NOX4: variants seen among roughly 807,000 people sequenced by gnomAD.
The protein encoded by NOX4 is NADPH oxidase 4, also known as kidney oxidase-1.
Under a neutral mutation model 87.6 loss-of-function variants are expected in NOX4, and 69 were observed. That is an observed-to-expected ratio of 0.79 (90% CI 0.65 to 0.96). NOX4 has a LOEUF of 0.96. Among genes scored for constraint, NOX4 ranks in the 40% least tolerant of loss-of-function variants. The pLI is 0.00. For synonymous variants in NOX4, 275 were observed against 238.2 expected (o/e 1.15, Z -1.42); for missense variants, 680 against 681.5 (o/e 1.00, Z 0.02).
intron 2 of NOX4, among the ~76,000 whole-genome samples, chr11:89,464,684 GT>G (rs1945602853): frequency 6.6e-6 from 1 of 152,008 alleles, no homozygotes; most frequent in African/African-American, 2.4e-5. Context: ...CAGGTTAGTT[GT>G]CACTAGATGG....
chr11:89,526,711 C>T, the NOX4 span, among the ~76,000 whole-genome samples: 1 of 152,142 alleles, frequency 6.6e-6, no homozygotes, highest in South Asian at 2.1e-4. Flanking sequence ...GCCTTGCTTC[C>T]CATTTGCCTT....
At chr11:89,524,169 C>T in the NOX4 span, among the ~76,000 whole-genome samples, 1 of 152,084 alleles carries the variant, frequency 6.6e-6, no homozygotes, top group South Asian at 2.1e-4. Context: ...CAAGAAAGTC[C>T]ATTATAAAAC....
the NOX4 span, among the ~76,000 whole-genome samples, chr11:89,563,203 A>G: frequency 2.0e-5 from 3 of 152,354 alleles, no homozygotes; most frequent in African/African-American, 7.2e-5. Context: ...TTCAGAAAAG[A>G]GGCCCTATGT....
chr11:89,422,007 T>C (rs765725294), intron 7 of NOX4, 25 bp from the exon 8 acceptor site: 1 of 1,187,770 alleles, frequency 8.4e-7, no homozygotes, highest in Non-Finnish European at 1.2e-6. Flanking sequence ...ACACTCATTT[T>C]AATGCTACTT....
the NOX4 span, among the ~76,000 whole-genome samples, chr11:89,533,032 A>T: frequency 5.9e-5 from 9 of 152,164 alleles, no homozygotes; most frequent in African/African-American, 2.2e-4. Flanking sequence ...ACCGAGTCTC[A>T]GGTACTTCTT....
chr11:89,487,782 T>A (rs1946689937), intron 2 of NOX4, among the ~76,000 whole-genome samples: 1 of 152,134 alleles, frequency 6.6e-6, no homozygotes, highest in South Asian at 2.1e-4. Context: ...AATATTTATT[T>A]AAAAATTAAT....
At chr11:89,586,396 C>T in the NOX4 span, among the ~76,000 whole-genome samples, 1 of 152,152 alleles carries the variant, frequency 6.6e-6, no homozygotes, top group Non-Finnish European at 1.5e-5. Flanking sequence ...GTACCAATGT[C>T]TTCAGATGAG....
At chr11:89,506,406 A>T in the NOX4 span, among the ~76,000 whole-genome samples, 3 of 151,776 alleles carry the variant, frequency 2.0e-5, no homozygotes, top group African/African-American at 7.2e-5. Flanking sequence ...ATTTTCATCC[A>T]TATCTTACAC....
chr11:89,543,952 G>C, the NOX4 span, among the ~76,000 whole-genome samples: 1 of 151,976 alleles, frequency 6.6e-6, no homozygotes, highest in Non-Finnish European at 1.5e-5. Flanking sequence ...AGTAAAAGTG[G>C]GGAAGAAAAG....
At chr11:89,483,082 T>C (rs974965309) in intron 2 of NOX4, among the ~76,000 whole-genome samples, 3 of 152,120 alleles carry the variant, frequency 2.0e-5, no homozygotes, top group East Asian at 1.9e-4. Context: ...TAATCTAAGC[T>C]TCTTAATTCT....
chr11:89,508,497 T>C, the NOX4 span, among the ~76,000 whole-genome samples: 1 of 152,188 alleles, frequency 6.6e-6, no homozygotes, highest in East Asian at 1.9e-4. Flanking sequence ...AAAAACTATT[T>C]ATGGTGTTTT....
At chr11:89,501,826 G>A (rs961204764), upstream of NOX4, among the ~76,000 whole-genome samples, 3 of 152,050 alleles carry the variant, frequency 2.0e-5, no homozygotes, top group Non-Finnish European at 4.4e-5. Flanking sequence ...ACATCAGCAG[G>A]ATGGAGAGTA....
the NOX4 span, among the ~76,000 whole-genome samples, chr11:89,541,532 AT>A: frequency 1.4e-4 from 21 of 151,436 alleles, no homozygotes; most frequent in African/African-American, 3.9e-4. Context: ...CCATATACTG[AT>A]TTTTTTTTCA....
upstream of NOX4, among the ~76,000 whole-genome samples, chr11:89,492,571 G>A (rs1169606454): frequency 6.6e-6 from 1 of 152,184 alleles, no homozygotes; most frequent in Non-Finnish European, 1.5e-5. Flanking sequence ...TCAAGTCCCT[G>A]TTAGACTTCA....
chr11:89,410,522 A>T (rs1252731614), intron 8 of NOX4, among the ~76,000 whole-genome samples: 1 of 152,242 alleles, frequency 6.6e-6, no homozygotes, highest in East Asian at 1.9e-4. Flanking sequence ...TTTACCTAGA[A>T]TATGGCACAA....
At chr11:89,432,303 A>G (rs1943841099) in intron 7 of NOX4, among the ~76,000 whole-genome samples, 1 of 152,152 alleles carries the variant, frequency 6.6e-6, no homozygotes, top group Middle Eastern at 3.2e-3. Flanking sequence ...TACATATGTA[A>G]CAAACCTGCA....
chr11:89,443,010 C>T (rs1044754274), intron 5 of NOX4, among the ~76,000 whole-genome samples: 3 of 152,096 alleles, frequency 2.0e-5, no homozygotes, highest in African/African-American at 7.2e-5. Flanking sequence ...TCTGAAATTA[C>T]ATGTGAAGCG....
intron 17 of NOX4, among the ~76,000 whole-genome samples, chr11:89,331,050 T>C (rs1945447564): frequency 6.6e-6 from 1 of 151,950 alleles, no homozygotes; most frequent in Non-Finnish European, 1.5e-5. Flanking sequence ...TCTTTTTAAG[T>C]GCATATGGAA....
rs146312191 is a variant in NOX4, at chr11:89,452,009, C to A, written c.154-114G>T. ...CTCTTTTAAGAATCATGCCAAATAC[C>A]AGCTCCTTCAAAAGCCTTGAATAGT... On this transcript the variant is annotated intron_variant, in intron 2 of 17. Transcript: ENST00000263317. The A allele has an allele frequency of 1.8e-4, 121 of 660,670 alleles. 1 individual carries two copies. In the African/African-American group the frequency reaches 2.0e-3, roughly 11 times the overall value. The allele number at this position is 660,670 out of a possible 1,614,324, so 40.9% of individuals were successfully genotyped here.
Sources: gnomAD v4.1 joint callset for allele counts (sites outside exome capture counted in the v4.1 genomes callset) on GRCh38, gnomAD v4.1.1 for gene constraint, MANE v1.5 for transcripts, NCBI Gene and HGNC (gene_info 2026-07-23, HGNC 2026-07-21) for gene names.